SUGCT: variants seen among roughly 807,000 people sequenced by gnomAD.
SUGCT encodes succinyl-CoA:glutarate CoA-transferase.
A neutral mutation model predicts 55.0 loss-of-function variants in SUGCT; 41 were observed. The observed-to-expected ratio is 0.74, with a 90% confidence interval of 0.58 to 0.97. The LOEUF (loss-of-function observed/expected upper bound fraction) is 0.97. Ranked by LOEUF, SUGCT falls within the 50% of genes least tolerant of loss-of-function variation. The probability of loss-of-function intolerance (pLI) is 0.00; values close to 1 mark genes in which losing one functional copy is unlikely to be tolerated. For missense variants in SUGCT, 568 were observed against 547.8 expected, an observed-to-expected ratio of 1.04 and a Z score of -0.37; for synonymous variants, 187 against 200.4, an observed-to-expected ratio of 0.93 and a Z score of 0.56.
At chr7:40,779,891 A>T (rs1789647638) in intron 13 of SUGCT, among the ~76,000 whole-genome samples, 1 of 152,170 alleles carries the variant, frequency 6.6e-6, no homozygotes, top group African/African-American at 2.4e-5. Flanking sequence ...TATTTCTGAG[A>T]TCTGGCTTCT....
At chr7:40,899,677 C>T in the SUGCT span, among the ~76,000 whole-genome samples, 5 of 151,772 alleles carry the variant, frequency 3.3e-5, no homozygotes, top group South Asian at 1.0e-3. Flanking sequence ...GCTGTTTTTA[C>T]CATATCACCC....
At chr7:40,503,099 C>T (rs780050599) in intron 12 of SUGCT, among the ~76,000 whole-genome samples, 8 of 151,970 alleles carry the variant, frequency 5.3e-5, no homozygotes, top group Non-Finnish European at 1.2e-4. Flanking sequence ...GATTTTAGGG[C>T]TTTCAGGCTT....
chr7:40,615,060 GA>G (rs796707326), intron 12 of SUGCT, among the ~76,000 whole-genome samples: 1,805 of 90,016 alleles, frequency 0.02, 29 homozygotes, highest in African/African-American at 0.061. Flanking sequence ...CATCTCAAAA[GA>G]AAAAAAAAAA....
At chr7:40,368,916 C>T (rs1784146497) in intron 9 of SUGCT, among the ~76,000 whole-genome samples, 1 of 151,906 alleles carries the variant, frequency 6.6e-6, no homozygotes, top group African/African-American at 2.4e-5. Context: ...CCAGCCTGGC[C>T]AACATGGCAA....
intron 12 of SUGCT, among the ~76,000 whole-genome samples, chr7:40,675,016 T>C (rs1783891338): frequency 1.3e-5 from 2 of 151,864 alleles, no homozygotes; most frequent in African/African-American, 4.8e-5. Context: ...GAATCTCTCC[T>C]CCTGTTAGAT....
intron 12 of SUGCT, among the ~76,000 whole-genome samples, chr7:40,676,689 G>C (rs1420019785): frequency 1.3e-5 from 2 of 151,892 alleles, no homozygotes; most frequent in Non-Finnish European, 2.9e-5. Flanking sequence ...TTTTAGTAGA[G>C]ACGGGGTTTC....
chr7:40,153,678 T>C, intron 1 of SUGCT: 10 of 515,398 alleles, frequency 1.9e-5, no homozygotes, highest in South Asian at 1.4e-4. Context: ...GACTACTTAA[T>C]GTTTTCACGT....
intron 1 of SUGCT, among the ~76,000 whole-genome samples, chr7:40,164,374 T>A (rs766503335): frequency 3.3e-5 from 5 of 152,162 alleles, no homozygotes; most frequent in Non-Finnish European, 5.9e-5. Context: ...GTGATCTGCC[T>A]GCCTTGGCCT....
At chr7:40,819,151 A>G (rs1484573956) in intron 13 of SUGCT, among the ~76,000 whole-genome samples, 1 of 151,758 alleles carries the variant, frequency 6.6e-6, no homozygotes, top group African/African-American at 2.4e-5. Flanking sequence ...AATCCAGTCT[A>G]TTGTTGATGG....
chr7:40,197,419 A>G (rs929686680), intron 6 of SUGCT, among the ~76,000 whole-genome samples: 1 of 152,222 alleles, frequency 6.6e-6, no homozygotes, highest in Non-Finnish European at 1.5e-5. Context: ...CAAATGCAAA[A>G]TGCTATATGA....
At chr7:40,955,862 C>T in the SUGCT span, among the ~76,000 whole-genome samples, 3 of 152,050 alleles carry the variant, frequency 2.0e-5, no homozygotes, top group African/African-American at 7.2e-5. Context: ...TTATCAAAGG[C>T]TTTTTCTGCA....
intron 9 of SUGCT, among the ~76,000 whole-genome samples, chr7:40,350,424 C>T (rs1355882930): frequency 1.3e-5 from 2 of 151,548 alleles, no homozygotes; most frequent in South Asian, 2.1e-4. Context: ...AGCGATTTTT[C>T]TGCCTCAGCC....
At chr7:40,340,615 GA>G (rs1796992428) in intron 9 of SUGCT, among the ~76,000 whole-genome samples, 1 of 152,142 alleles carries the variant, frequency 6.6e-6, no homozygotes, top group Admixed American at 6.5e-5. Flanking sequence ...AAAGTAGGGG[GA>G]AAAAGTAGGC....
intron 12 of SUGCT, among the ~76,000 whole-genome samples, chr7:40,668,341 C>A (rs1253743439): frequency 6.6e-6 from 1 of 151,960 alleles, no homozygotes; most frequent in Non-Finnish European, 1.5e-5. Flanking sequence ...TATTTTATTC[C>A]TTTGTAGATA....
the SUGCT span, among the ~76,000 whole-genome samples, chr7:40,889,909 T>C: frequency 7.9e-5 from 12 of 152,190 alleles, no homozygotes; most frequent in Non-Finnish European, 1.6e-4. Flanking sequence ...CCCCTTGTTT[T>C]CAACGTGATA....
chr7:40,306,199 A>G (rs1375856841), intron 8 of SUGCT, among the ~76,000 whole-genome samples: 1 of 152,190 alleles, frequency 6.6e-6, no homozygotes, highest in Non-Finnish European at 1.5e-5. Flanking sequence ...TGGTCATTAA[A>G]TTTAATAGCT....
At chr7:40,427,037 T>C (rs1408003131) in intron 9 of SUGCT, among the ~76,000 whole-genome samples, 2 of 152,160 alleles carry the variant, frequency 1.3e-5, no homozygotes, top group African/African-American at 4.8e-5. Context: ...CTTGAATTAC[T>C]GGCCTCAAGT....
chr7:40,337,465 G>C (rs903703243), intron 9 of SUGCT, among the ~76,000 whole-genome samples: 2 of 152,156 alleles, frequency 1.3e-5, no homozygotes, highest in African/African-American at 4.8e-5. Context: ...AGGATAGTTA[G>C]CTCTTCTTGT....
chr7:40,164,743 A>G (rs1332817257), intron 1 of SUGCT, among the ~76,000 whole-genome samples: 4 of 152,228 alleles, frequency 2.6e-5, no homozygotes, highest in Non-Finnish European at 5.9e-5. Context: ...TGATGAGACA[A>G]TAATTAATCC....
Sources: gnomAD v4.1 joint callset for allele counts (sites outside exome capture counted in the v4.1 genomes callset) on GRCh38, gnomAD v4.1.1 for gene constraint, MANE v1.5 for transcripts, NCBI Gene and HGNC (gene_info 2026-07-23, HGNC 2026-07-21) for gene names.